Variants in RWDD2B observed in about 807,000 individuals in gnomAD.
RWDD2B encodes RWD domain-containing protein 2B.
In RWDD2B, 36 loss-of-function variants were observed where a neutral mutation model predicts 33.6. The ratio of observed to expected loss-of-function variants is 1.07; its 90% CI spans 0.82 to 1.42. RWDD2B has a LOEUF of 1.42. Ranked by LOEUF, RWDD2B falls within the 40% of genes most tolerant of loss-of-function variation. The pLI is 0.00. For missense variants in RWDD2B, 364 were observed against 377.5 expected, an observed-to-expected ratio of 0.96 and a Z score of 0.30; for synonymous variants, 126 against 133.1, an observed-to-expected ratio of 0.95 and a Z score of 0.37.
At position 29,006,365 on chromosome 21, in the gene RWDD2B, AAAAAAAAT is replaced by A; in HGVS notation, c.*44_*51del. ...CTTAATCTTTCAAGAAAAAGTGGGA[AAAAAAAAT>A]CAAAAGGCCAACAGTGGCAAGATAC... On this transcript the variant is annotated 3_prime_UTR_variant, in exon 5 of 5. Coordinates refer to ENST00000493196, the MANE Select transcript of RWDD2B (RefSeq NM_016940.3). 1 of 1,228,994 alleles carries A rather than the reference AAAAAAAAT, an allele frequency of 8.1e-7. No individual in the cohort carries two copies. The highest frequency in any genetic ancestry group is 1.1e-6 in the Non-Finnish European group (1 of 873,456). The allele number at this position is 1,228,994 out of a possible 1,614,324, so 76.1% of individuals were successfully genotyped here.
rs1347965034 is a variant in RWDD2B, at chr21:29,004,426, A to G, written c.*1991T>C. ...ATGTGACATTTGAGATCTGCATATT[A>G]TACATAGCAATCTGGTTTTTAATAT... On this transcript the variant is annotated 3_prime_UTR_variant, in exon 5 of 5. Transcript: ENST00000493196. The G allele has an allele frequency of 2.0e-5, 3 of 152,246 alleles. No individual in the cohort carries two copies. The highest frequency in any genetic ancestry group is 2.0e-4 in the Admixed American group (3 of 15,290). 9.4% of individuals were successfully genotyped at this position (152,246 alleles called of 1,614,324 possible).
Position 29,007,852 on chromosome 21 carries a change from C to A in RWDD2B, c.634G>T (p.Glu212Ter). The change falls in exon 4 of 5, where the codon GAG becomes TAG. Residue 212 changes from glutamate (E) to a stop codon, truncating the protein, a stop_gained. Transcript: ENST00000493196. LOFTEE classifies it high-confidence loss of function. ...KRKNILEWAK[E>*]LSLSGFSMPG... is the part of the protein sequence containing the mutation. The stretch of plus-strand genomic sequence containing the variant: ...ATGCTAAACCCAGACAGGGAAAGCT[C>A]CTTTGCCCACTCTAGAATATTCTTT... The A allele has an allele frequency of 6.2e-7, 1 of 1,614,222 alleles. No individual in the cohort carries two copies. Among genetic ancestry groups the A allele is most frequent in the African/African-American group, 1.3e-5 (1 of 75,050 alleles).
chr21:29,010,878 C>T (rs1273049892), intron 1 of RWDD2B, among the ~76,000 whole-genome samples: 3 of 152,274 alleles, frequency 2.0e-5, no homozygotes, highest in East Asian at 3.9e-4. Context: ...CTGTGTTGGC[C>T]GGGCTGGTCT....
At chr21:29,015,272 C>G (rs1295338905) in intron 1 of RWDD2B, among the ~76,000 whole-genome samples, 1 of 133,218 alleles carries the variant, frequency 7.5e-6, no homozygotes, top group Non-Finnish European at 1.5e-5. Flanking sequence ...ACTTTGTCAC[C>G]CAGGCTGGAG....
intron 1 of RWDD2B, among the ~76,000 whole-genome samples, chr21:29,017,597 G>A (rs774118705): frequency 2.6e-5 from 4 of 151,966 alleles, no homozygotes; most frequent in Non-Finnish European, 5.9e-5. Flanking sequence ...GAGCAACAGA[G>A]CAAGACTGTC....
intron 1 of RWDD2B, among the ~76,000 whole-genome samples, chr21:29,016,132 AT>A (rs947841113): frequency 1.3e-5 from 2 of 152,176 alleles, no homozygotes; most frequent in Non-Finnish European, 2.9e-5. Context: ...ATTTATACAT[AT>A]ATTAACATAT....
chr21:29,013,988 A>C, intron 1 of RWDD2B, among the ~76,000 whole-genome samples: 1 of 152,172 alleles, frequency 6.6e-6, no homozygotes, highest in East Asian at 1.9e-4. Flanking sequence ...AAATTTAACT[A>C]TATCTGTATA....
intron 1 of RWDD2B, among the ~76,000 whole-genome samples, chr21:29,014,292 C>G (rs914767426): frequency 6.6e-6 from 1 of 152,164 alleles, no homozygotes. Flanking sequence ...CACCATTAAT[C>G]CATTTGTGAG....
At chr21:29,007,120 C>G (rs2084832386) in intron 4 of RWDD2B, among the ~76,000 whole-genome samples, 1 of 152,206 alleles carries the variant, frequency 6.6e-6, no homozygotes, top group Non-Finnish European at 1.5e-5. Context: ...AGTGGCAATT[C>G]TAATGCTTCT....
Position 29,007,835 on chromosome 21 carries a change from C to T in RWDD2B, c.651G>A (p.Gly217=). The T allele has an allele frequency of 1.9e-6, 3 of 1,614,220 alleles. No individual in the cohort carries two copies. Among genetic ancestry groups the T allele is most frequent in the Non-Finnish European group, 2.5e-6 (3 of 1,180,032 alleles). ...CACCAGGTTTTCCAGGCATGCTAAA[C>T]CCAGACAGGGAAAGCTCCTTTGCCC... ...LEWAKELSLS[G]FSMPGKPGVV... is the part of the protein sequence containing the mutation. Residue 217 remains glycine, a synonymous_variant, in exon 4 of 5, where the codon GGG becomes GGA. Transcript: ENST00000493196.
intron 1 of RWDD2B, among the ~76,000 whole-genome samples, chr21:29,011,682 T>G (rs1440975981): frequency 1.4e-5 from 1 of 69,522 alleles, no homozygotes; most frequent in Admixed American, 1.5e-4. Context: ...GTCCGGGAGG[T>G]GAGGGGCGCC....
At chr21:29,012,496 CAT>C (rs1435481568) in intron 1 of RWDD2B, among the ~76,000 whole-genome samples, 4 of 152,002 alleles carry the variant, frequency 2.6e-5, no homozygotes, top group East Asian at 1.9e-4. Context: ...CTCTCTGAAA[CAT>C]GTGCTGTATC....
Position 29,006,617 on chromosome 21 carries a change from G to C in RWDD2B, c.760C>G (p.Arg254Gly), listed in dbSNP as rs77085757. 4 of 1,604,568 alleles carry C rather than the reference G, an allele frequency of 2.5e-6. No homozygotes were observed. Among genetic ancestry groups the C allele is most frequent in the Non-Finnish European group, 3.4e-6 (4 of 1,176,552 alleles). Residue 254 changes from arginine (R) to glycine (G), a missense_variant, in exon 5 of 5, where the codon CGC (arginine) becomes GGC (glycine). Arg to Gly is a moderately radical substitution (Grantham distance 125). Transcript: ENST00000493196. ...RKLNWKRILIRHREDIPFDGT... is the reference protein window; with the variant it reads ...RKLNWKRILIGHREDIPFDGT... Reference sequence around the variant, plus strand: ...TCAAAAGGAATGTCTTCTCGATGGCGAATTAAAATTCTCTTCCAGTTTAAT... The same window carrying C: ...TCAAAAGGAATGTCTTCTCGATGGCCAATTAAAATTCTCTTCCAGTTTAAT...
At chr21:29,012,215 G>A (rs1329576482) in intron 1 of RWDD2B, among the ~76,000 whole-genome samples, 3 of 150,394 alleles carry the variant, frequency 2.0e-5, no homozygotes, top group Non-Finnish European at 3.0e-5. Flanking sequence ...CTGCCCGGCC[G>A]CCCCTACTGG....
In RWDD2B at chr21:29,006,343, A is replaced by T. The variant is rs2084828196; in HGVS notation, c.*74T>A. 2 of 950,318 alleles carry T rather than the reference A, an allele frequency of 2.1e-6. No individual in the cohort carries two copies. The highest frequency in any genetic ancestry group is 3.2e-6 in the Non-Finnish European group (2 of 633,416). 58.9% of individuals were successfully genotyped at this position (950,318 alleles called of 1,614,324 possible). ...GAATGGAACTAAAATAAAATTACTT[A>T]ATCTTTCAAGAAAAAGTGGGAAAAA... On this transcript the variant is annotated 3_prime_UTR_variant, in exon 5 of 5. Coordinates refer to ENST00000493196, the MANE Select transcript of RWDD2B (RefSeq NM_016940.3).
At chr21:29,012,983 G>C (rs1183729500) in intron 1 of RWDD2B, among the ~76,000 whole-genome samples, 1 of 150,968 alleles carries the variant, frequency 6.6e-6, no homozygotes, top group Non-Finnish European at 1.5e-5. Context: ...ATATGTATTT[G>C]AGTCTTTTTC....
At position 29,007,934 on chromosome 21, in the gene RWDD2B, G is replaced by A. The variant is rs1481492439; in HGVS notation, c.552C>T (p.Asp184=). 5 of 1,614,208 alleles carry A rather than the reference G, an allele frequency of 3.1e-6. No homozygotes were observed. The highest frequency in any genetic ancestry group is 4.2e-6 in the Non-Finnish European group (5 of 1,180,030). ...AGATCCAGAGTCTCGTGAAGATGAG[G>A]TCAACTGACTGGACTGTGCTTCCTG... ...PTTGSTVQSV[D]LIFTRLWIYS... The change falls in exon 4 of 5, where the codon GAC becomes GAT. Residue 184 remains aspartate, a synonymous_variant. Transcript: ENST00000493196.
In RWDD2B at chr21:29,007,836, C is replaced by A. The variant is rs148670819; in HGVS notation, c.650G>T (p.Gly217Val). The A allele has an allele frequency of 1.7e-4, 278 of 1,614,228 alleles. 1 individual carries two copies. The African/African-American group carries it at 3.5e-3, about 20-fold the overall frequency. The change falls in exon 4 of 5, where the codon GGG (glycine) becomes GTG (valine). Residue 217 changes from glycine to valine, a missense_variant. Gly to Val is a moderately radical substitution (Grantham distance 109). Transcript: ENST00000493196. ...LEWAKELSLS[G>V]FSMPGKPGVV... Reference sequence around the variant, plus strand: ...ACCAGGTTTTCCAGGCATGCTAAACCCAGACAGGGAAAGCTCCTTTGCCCA... The same window carrying A: ...ACCAGGTTTTCCAGGCATGCTAAACACAGACAGGGAAAGCTCCTTTGCCCA...
intron 2 of RWDD2B, 43 bp from the exon 3 acceptor site, chr21:29,008,350 A>C: frequency 6.2e-7 from 1 of 1,611,878 alleles, no homozygotes; most frequent in Non-Finnish European, 8.5e-7. Context: ...CCAATGTTTT[A>C]AGTCTCAACA....
Sources: gnomAD v4.1 joint callset for allele counts (sites outside exome capture counted in the v4.1 genomes callset) on GRCh38, gnomAD v4.1.1 for gene constraint, MANE v1.5 for transcripts, NCBI Gene and HGNC (gene_info 2026-07-23, HGNC 2026-07-21) for gene names.